The following SLC14A2 variants were observed in gnomAD, a reference collection of about 807,000 sequenced individuals.
SLC14A2 encodes the protein solute carrier family 14 member 2.
A neutral mutation model predicts 104.6 loss-of-function variants in SLC14A2; 91 were observed. The observed-to-expected ratio is 0.87, with a 90% CI of 0.73 to 1.04. The LOEUF (loss-of-function observed/expected upper bound fraction) is 1.04. SLC14A2 is among the 50% of genes least tolerant of loss of function. The pLI, the probability that SLC14A2 is intolerant of heterozygous loss-of-function variation, is 0.00. For synonymous variants in SLC14A2, 476 were observed against 466.4 expected (o/e 1.02, Z -0.27); for missense variants, 1,189 against 1,156.0 (o/e 1.03, Z -0.41).
intron 1 of SLC14A2, among the ~76,000 whole-genome samples, chr18:45,251,330 G>T (rs1254953580): frequency 6.6e-6 from 1 of 152,110 alleles, no homozygotes; most frequent in East Asian, 1.9e-4. Context: ...CTTCAATTCT[G>T]TCCAGGTTGC....
chr18:45,491,459 T>C (rs759666184), intron 2 of SLC14A2, among the ~76,000 whole-genome samples: 2 of 152,140 alleles, frequency 1.3e-5, no homozygotes, highest in Non-Finnish European at 2.9e-5. Context: ...GAGAATGCCT[T>C]TTTGGAAGAA....
intron 1 of SLC14A2, among the ~76,000 whole-genome samples, chr18:45,364,427 G>A (rs73953153): frequency 1.3e-5 from 2 of 152,154 alleles, no homozygotes; most frequent in Non-Finnish European, 2.9e-5. Flanking sequence ...ATCACTGTGA[G>A]AGTAGAAGAG....
chr18:45,372,272 A>G (rs1459335316), intron 1 of SLC14A2, among the ~76,000 whole-genome samples: 1 of 151,996 alleles, frequency 6.6e-6, no homozygotes, highest in Non-Finnish European at 1.5e-5. Context: ...AGATCATGCC[A>G]CTGCACTCCA....
intron 7 of SLC14A2, among the ~76,000 whole-genome samples, chr18:45,640,292 C>T (rs1269184070): frequency 6.6e-6 from 1 of 150,568 alleles, no homozygotes; most frequent in Non-Finnish European, 1.5e-5. Flanking sequence ...AAAAAAAATA[C>T]ATGTGGAGAG....
intron 7 of SLC14A2, among the ~76,000 whole-genome samples, chr18:45,640,112 A>C (rs1032264921): frequency 6.6e-6 from 1 of 152,018 alleles, no homozygotes; most frequent in African/African-American, 2.4e-5. Flanking sequence ...TACTAAAGAA[A>C]AAAAAGTACA....
intron 4 of SLC14A2, 28 bp from the exon 5 acceptor site, chr18:45,632,322 A>G: frequency 6.2e-7 from 1 of 1,604,276 alleles, no homozygotes; most frequent in Non-Finnish European, 8.5e-7. Context: ...CCAACTTCAA[A>G]TGCAAAATCA....
At position 45,433,044 on chromosome 18, in the gene SLC14A2, A is replaced by G. The variant is rs3909260; in HGVS notation, c.-124-50189A>G. On this transcript the variant is annotated intron_variant, in intron 1 of 20. Coordinates refer to the SLC14A2 transcript ENST00000586448. The stretch of plus-strand genomic sequence containing the variant: ...CTCATCCTTCCCTCACTCTCTGTAG[A>G]TGAACTCCATCAACTTTTCTCTTTC... Among the ~76,000 whole-genome samples the G allele has an allele frequency of 9.9e-3, 1,508 of 152,176 alleles. 14 individuals carry two copies. Among genetic ancestry groups the G allele is most frequent in the Non-Finnish European group, 0.015 (987 of 68,016 alleles).
rs372732919 is a variant in SLC14A2 at position 45,246,922 on chromosome 18, T to C, written c.-125+33731T>C. On this transcript the variant is annotated intron_variant, in intron 1 of 20. Transcript: ENST00000586448. ...TTTTTCAGAGGAGGGGAATAAGACT[T>C]AACAGAGATAAGATAGCTTGTTCAG... Among the ~76,000 whole-genome samples, 3 of 152,214 alleles carry C rather than the reference T, an allele frequency of 2.0e-5. No homozygotes were observed. In the East Asian group the frequency reaches 5.8e-4, roughly 29 times the overall value.
At chr18:45,572,982 C>A (rs1448189065) in intron 2 of SLC14A2, among the ~76,000 whole-genome samples, 5 of 152,034 alleles carry the variant, frequency 3.3e-5, no homozygotes, top group Non-Finnish European at 7.4e-5. Flanking sequence ...GTTAAAAAAC[C>A]AAGTGGAGAA....
At chr18:45,384,629 C>A (rs2085874285) in intron 1 of SLC14A2, among the ~76,000 whole-genome samples, 1 of 152,004 alleles carries the variant, frequency 6.6e-6, no homozygotes, top group Non-Finnish European at 1.5e-5. Context: ...ACTACCCCCG[C>A]CCCCAACCAA....
At chr18:45,381,213 T>C (rs1159152675) in intron 1 of SLC14A2, among the ~76,000 whole-genome samples, 1 of 152,220 alleles carries the variant, frequency 6.6e-6, no homozygotes, top group Non-Finnish European at 1.5e-5. Flanking sequence ...AGCTCTCTGG[T>C]AGGGCAGAAT....
At chr18:45,641,706 A>C (rs985000995) in intron 8 of SLC14A2, among the ~76,000 whole-genome samples, 2 of 152,242 alleles carry the variant, frequency 1.3e-5, no homozygotes, top group Admixed American at 1.3e-4. Context: ...AGAAGATACC[A>C]TGGTGACTAC....
At chr18:45,346,872 G>A (rs537238165) in intron 1 of SLC14A2, among the ~76,000 whole-genome samples, 1 of 152,006 alleles carries the variant, frequency 6.6e-6, no homozygotes, top group East Asian at 1.9e-4. Context: ...TGAGGCAGGA[G>A]AGTCACTTGA....
chr18:45,414,781 T>A lies in SLC14A2; in HGVS notation c.-124-68452T>A, dbSNP rs1158379620. On this transcript the variant is annotated intron_variant, in intron 1 of 20. Coordinates refer to the SLC14A2 transcript ENST00000586448. ...AAATATATATATATATATATATATA[T>A]ATATATATATATATAGAAAAGTACA... is the stretch of plus-strand genomic sequence containing the variant. Among the ~76,000 whole-genome samples the A allele has an allele frequency of 1.2e-4, 16 of 130,624 alleles. 2 individuals carry two copies. The highest frequency in any genetic ancestry group is 2.4e-4 in the South Asian group (1 of 4,230). 85.7% of individuals were successfully genotyped at this position (130,624 alleles called of 152,430 possible).
chr18:45,363,052 C>A (rs989126088), intron 1 of SLC14A2, among the ~76,000 whole-genome samples: 3 of 152,186 alleles, frequency 2.0e-5, no homozygotes, highest in African/African-American at 7.2e-5. Context: ...CCTGCCCTTC[C>A]CTGTGCAACG....
intron 1 of SLC14A2, among the ~76,000 whole-genome samples, chr18:45,243,358 C>T (rs2084336731): frequency 6.6e-6 from 1 of 152,140 alleles, no homozygotes; most frequent in South Asian, 2.1e-4. Context: ...GACCATTTTA[C>T]AGATAAAGAA....
chr18:45,676,091 A>G (rs910316846), intron 18 of SLC14A2, among the ~76,000 whole-genome samples: 4 of 152,204 alleles, frequency 2.6e-5, no homozygotes, highest in Non-Finnish European at 4.4e-5. Context: ...AAATGTCCCA[A>G]TGGCAAAAAT....
At chr18:45,417,729 G>C (rs2086293482) in intron 1 of SLC14A2, among the ~76,000 whole-genome samples, 1 of 152,026 alleles carries the variant, frequency 6.6e-6, no homozygotes, top group Admixed American at 6.6e-5. Context: ...CGTTATTGTT[G>C]ATAATAATTG....
intron 1 of SLC14A2, among the ~76,000 whole-genome samples, chr18:45,393,666 T>C (rs536676152): frequency 3.5e-4 from 54 of 152,214 alleles, no homozygotes; most frequent in Non-Finnish European, 7.1e-4. Flanking sequence ...CCAGTCTGGA[T>C]TGGCCTTCTC....
Sources: gnomAD v4.1 joint callset for allele counts (sites outside exome capture counted in the v4.1 genomes callset) on GRCh38, gnomAD v4.1.1 for gene constraint, MANE v1.5 for transcripts, NCBI Gene and HGNC (gene_info 2026-07-23, HGNC 2026-07-21) for gene names.